NCOR2: variants seen among roughly 807,000 people sequenced by gnomAD.
NCOR2 encodes the protein CTG repeat protein 26.
NCOR2 carries 81 observed loss-of-function variants against 262.9 expected under a neutral mutation model. That is an observed-to-expected ratio of 0.31 (90% CI 0.26 to 0.37). The LOEUF (loss-of-function observed/expected upper bound fraction) is 0.37. NCOR2 is among the 10% of genes least tolerant of loss of function. The pLI, the probability that NCOR2 is intolerant of heterozygous loss-of-function variation, is 1.00. For synonymous variants in NCOR2, 1,659 were observed against 1,559.3 expected (o/e 1.06, Z -1.51); for missense variants, 3,385 against 3,621.4 (o/e 0.93, Z 1.68).
chr12:124,519,549 C>T (rs369034428), intron 1 of NCOR2, among the ~76,000 whole-genome samples: 18 of 152,180 alleles, frequency 1.2e-4, no homozygotes, highest in African/African-American at 2.9e-4. Flanking sequence ...CTGGTGTGGC[C>T]GGGGCGCAGG....
chr12:124,501,044 G>A (rs1411819436), intron 1 of NCOR2, among the ~76,000 whole-genome samples: 7 of 34,740 alleles, frequency 2.0e-4, no homozygotes, highest in South Asian at 6.5e-3. Context: ...CCCACGGCAC[G>A]AGCGCGCGCG....
At chr12:124,381,907 A>G (rs867647272) in intron 17 of NCOR2, among the ~76,000 whole-genome samples, 18 of 152,234 alleles carry the variant, frequency 1.2e-4, no homozygotes, top group Admixed American at 3.9e-4. Context: ...CAAGTGTTAC[A>G]TAACTCCGGG....
At chr12:124,365,088 C>A (rs897618315) in intron 20 of NCOR2, among the ~76,000 whole-genome samples, 1 of 152,036 alleles carries the variant, frequency 6.6e-6, no homozygotes, top group African/African-American at 2.4e-5. Flanking sequence ...GGTATGGAAG[C>A]AGCCCGGCCT....
chr12:124,353,478 G>A (rs922344450), intron 27 of NCOR2, among the ~76,000 whole-genome samples: 2 of 152,244 alleles, frequency 1.3e-5, no homozygotes, highest in African/African-American at 4.8e-5. Flanking sequence ...GGACCATCTT[G>A]TTGCCCGAAG....
intron 13 of NCOR2, among the ~76,000 whole-genome samples, chr12:124,407,805 G>A (rs990012407): frequency 3.3e-5 from 5 of 152,240 alleles, no homozygotes; most frequent in African/African-American, 7.2e-5. Context: ...CATGTGCCAG[G>A]TGCCCCTGAG....
At chr12:124,516,123 G>C (rs944923129) in intron 1 of NCOR2, among the ~76,000 whole-genome samples, 1 of 152,222 alleles carries the variant, frequency 6.6e-6, no homozygotes, top group African/African-American at 2.4e-5. Flanking sequence ...ATGAGACAGC[G>C]GGCAGCTGGT....
At chr12:124,394,032 G>A (rs1242604482) in intron 16 of NCOR2, among the ~76,000 whole-genome samples, 2 of 152,206 alleles carry the variant, frequency 1.3e-5, no homozygotes, top group Non-Finnish European at 2.9e-5. Context: ...GACCCCCATC[G>A]CCGGGGCGAA....
intron 15 of NCOR2, among the ~76,000 whole-genome samples, chr12:124,399,795 CAAAGT>C (rs2041897963): frequency 6.6e-6 from 1 of 152,154 alleles, no homozygotes; most frequent in African/African-American, 2.4e-5. Context: ...AACAGCTAAA[CAAAGT>C]AGAGACAACA....
intron 41 of NCOR2, 157 bp downstream of exon 43, chr12:124,334,267 G>C (rs376771499): frequency 1.8e-6 from 1 of 550,698 alleles, no homozygotes; most frequent in Admixed American, 3.9e-5. Flanking sequence ...TATCCGCTCT[G>C]TGACTCCCCC....
At chr12:124,428,688 G>T (rs532014980) in intron 10 of NCOR2, among the ~76,000 whole-genome samples, 1 of 152,336 alleles carries the variant, frequency 6.6e-6, no homozygotes, top group Non-Finnish European at 1.5e-5. Context: ...TCGAGCTCTT[G>T]AGATGTGTCA....
chr12:124,348,366 A>T, intron 28 of NCOR2, 52 bp from the exon 31 acceptor site: 4 of 1,548,016 alleles, frequency 2.6e-6, no homozygotes, highest in Non-Finnish European at 3.5e-6. Flanking sequence ...GCCCAGGACC[A>T]CGGTGGGCAG....
intron 10 of NCOR2, chr12:124,429,390 G>A: frequency 3.5e-6 from 2 of 564,346 alleles, no homozygotes; most frequent in South Asian, 2.1e-5. Context: ...CCTGCAGGGG[G>A]TCCTGCTACC....
intron 41 of NCOR2, among the ~76,000 whole-genome samples, chr12:124,333,969 T>C (rs2035608285): frequency 5.3e-5 from 8 of 150,634 alleles, no homozygotes; most frequent in Admixed American, 1.3e-4. Context: ...TGTGTGCGGG[T>C]GCGCATGTGT....
upstream of NCOR2, among the ~76,000 whole-genome samples, chr12:124,536,228 C>T (rs1012404645): frequency 6.6e-6 from 1 of 152,098 alleles, no homozygotes; most frequent in Admixed American, 6.5e-5. Context: ...GGGCACGTGC[C>T]ACCATGCCCG....
intron 1 of NCOR2, among the ~76,000 whole-genome samples, chr12:124,562,515 C>T (rs531715137): frequency 2.6e-5 from 4 of 152,352 alleles, no homozygotes; most frequent in Admixed American, 6.5e-5. Flanking sequence ...GGGCCTCCCC[C>T]ACCCCGTCCT....
At chr12:124,437,243 C>T (rs1376679116) in intron 8 of NCOR2, among the ~76,000 whole-genome samples, 4 of 152,288 alleles carry the variant, frequency 2.6e-5, no homozygotes, top group South Asian at 2.1e-4. Flanking sequence ...CATCTGAGTC[C>T]GCGCTTCTTC....
chr12:124,403,466 C>G (rs1316300916), intron 13 of NCOR2, among the ~76,000 whole-genome samples: 4 of 152,144 alleles, frequency 2.6e-5, no homozygotes, highest in Non-Finnish European at 5.9e-5. Flanking sequence ...CCTGGCACCG[C>G]CTCCCGATTT....
intron 1 of NCOR2, among the ~76,000 whole-genome samples, chr12:124,546,491 C>T (rs2051548378): frequency 6.6e-6 from 1 of 152,128 alleles, no homozygotes; most frequent in African/African-American, 2.4e-5. Context: ...TCACTGCAGC[C>T]TCCGCCTCCA....
chr12:124,478,104 T>C (rs748065229), intron 3 of NCOR2, among the ~76,000 whole-genome samples: 25 of 151,712 alleles, frequency 1.6e-4, no homozygotes, highest in Non-Finnish European at 3.2e-4. Flanking sequence ...GGAGGAAGAG[T>C]TCTCTCTTTT....
Sources: allele counts gnomAD v4.1 joint callset (sites outside exome capture counted in the v4.1 genomes callset), GRCh38; gene constraint gnomAD v4.1.1; transcripts MANE v1.5; gene names NCBI Gene and HGNC (gene_info 2026-07-23, HGNC 2026-07-21).